The following FBXO27 variants were observed in gnomAD, a reference collection of about 807,000 sequenced individuals.
FBXO27 encodes the protein F-box only protein 27.
FBXO27 carries 28 observed loss-of-function variants against 28.3 expected under a neutral mutation model. That is an observed-to-expected ratio of 0.99 (90% CI 0.73 to 1.36). The LOEUF is 1.36. FBXO27 is among the 40% of genes most tolerant of loss of function. The pLI is 0.00. For synonymous variants in FBXO27, 175 were observed against 167.3 expected, an observed-to-expected ratio of 1.05 and a Z score of -0.36; for missense variants, 388 against 394.1, an observed-to-expected ratio of 0.98 and a Z score of 0.13.
At position 39,032,327 on chromosome 19, in the gene FBXO27, C is replaced by G. The variant is rs542142384; in HGVS notation, c.-26-74G>C. 1 of 1,355,886 alleles carries G rather than the reference C, an allele frequency of 7.4e-7. No homozygotes were observed. The highest frequency in any genetic ancestry group is 3.1e-5 in the East Asian group (1 of 32,180). 84.0% of individuals were successfully genotyped at this position (1,355,886 alleles called of 1,614,324 possible). On this transcript the variant is annotated intron_variant, in intron 1 of 5. Transcript: ENST00000292853. The surrounding 1 kb of genome is among the most constrained non-coding windows in gnomAD (Gnocchi z 4.7). ...CGCGCAGCCTCTGCCTGCCCTGATT[C>G]TGCCAGCCGCACCCCCGTCTTCACC...
At chr19:39,017,662 CAA>C (rs58873231) in intron 1 of FBXO27, among the ~76,000 whole-genome samples, 1 of 141,262 alleles carries the variant, frequency 7.1e-6, no homozygotes, top group Non-Finnish European at 1.5e-5. Context: ...GAGACTGTCT[CAA>C]AAAAAAAAAA....
At chr19:39,025,702 T>A (rs1464225543) in intron 5 of FBXO27, 148 bp from the exon 6 acceptor site, 1 of 1,111,546 alleles carries the variant, frequency 9.0e-7, no homozygotes, top group Non-Finnish European at 1.2e-6. Context: ...TTATAGAATC[T>A]TCCACTCCCT....
rs762351705 is a variant in FBXO27 at position 39,031,898 on chromosome 19, G to C, written c.330C>G (p.Ile110Met). ...AGGGGTTGCGAATAAGGTTGCGTCC[G>C]ATGGGTCTGCGCGCGCAGAAGCGGC... ...PLGRFCARRP[I>M]GRNLIRNPCG... The change falls in exon 2 of 6, where the codon ATC becomes ATG. Residue 110 changes from isoleucine (I) to methionine (M), a missense_variant. Transcript: ENST00000292853. 2 of 1,500,422 alleles carry C rather than the reference G, an allele frequency of 1.3e-6. No individual in the cohort carries two copies. Among genetic ancestry groups the C allele is most frequent in the African/African-American group, 1.5e-5 (1 of 68,710 alleles). The allele number at this position is 1,500,422 out of a possible 1,614,324, so 92.9% of individuals were successfully genotyped here.
intron 4 of FBXO27, among the ~76,000 whole-genome samples, chr19:39,029,330 G>C (rs538794323): frequency 6.6e-6 from 1 of 151,352 alleles, no homozygotes; most frequent in South Asian, 2.1e-4. Context: ...GGGAGGCTGA[G>C]GCAGGAGAAT....
downstream of FBXO27, among the ~76,000 whole-genome samples, chr19:39,021,344 C>T (rs2072844374): frequency 6.6e-6 from 1 of 152,048 alleles, no homozygotes; most frequent in Admixed American, 6.6e-5. Flanking sequence ...CCTCCCTCTC[C>T]ACCTCCATCA....
At position 39,027,072 on chromosome 19, in the gene FBXO27, G is replaced by A. The variant is rs550253037; in HGVS notation, c.573-67C>T. ...ATCTCTTTGGGTGTCTGCCTACCTT[G>A]TCCGAATGCCCTTCCCATGTGTGCA... On this transcript the variant is annotated intron_variant, in intron 4 of 5. Transcript: ENST00000292853. The A allele has an allele frequency of 1.6e-5, 26 of 1,591,718 alleles. No individual in the cohort carries two copies. In the East Asian group the frequency reaches 4.2e-4, roughly 26 times the overall value.
chr19:39,023,148 A>C (rs1045670143), downstream of FBXO27, among the ~76,000 whole-genome samples: 1 of 152,078 alleles, frequency 6.6e-6, no homozygotes, highest in East Asian at 1.9e-4. Context: ...CATGTTGGCT[A>C]GCCTGGTCTC....
intron 1 of FBXO27, among the ~76,000 whole-genome samples, chr19:39,017,129 T>G (rs1221829278): frequency 6.6e-6 from 1 of 152,108 alleles, no homozygotes; most frequent in African/African-American, 2.4e-5. Context: ...AAAAGTTTAT[T>G]TCCATCCAGA....
downstream of FBXO27, among the ~76,000 whole-genome samples, chr19:39,019,156 A>G (rs11666514): frequency 0.8 from 119,212 of 149,328 alleles, 47,813 homozygotes; most frequent in South Asian, 0.88. Flanking sequence ...CGAGCACGGT[A>G]GCTCACGCCT....
rs761406835 is a variant in FBXO27, at chr19:39,031,268, C to T, written c.417G>A (p.Glu139=). Residue 139 remains glutamate, a synonymous_variant, in exon 3 of 6, where the codon GAG becomes GAA. Coordinates refer to ENST00000292853, the MANE Select transcript of FBXO27 (RefSeq NM_178820.5). ...CCCCAGGCACGGTTGTCCTGTTTTC[C>T]TCCACCACCCAGCCGTCCCCACCGT... ...VQHGGDGWVV[E]ENRTTVPGAP... is the part of the protein sequence containing the mutation. 1.5e-5 allele frequency: 24 copies of T among 1,613,988 alleles called. No homozygotes were observed. The highest frequency in any genetic ancestry group is 3.3e-4 in the Middle Eastern group (2 of 6,080).
rs995812609 is a variant in FBXO27 at position 39,032,376 on chromosome 19, C to T, written c.-26-123G>A. 6.0e-6 allele frequency: 7 copies of T among 1,159,060 alleles called. No homozygotes were observed. In the East Asian group the frequency reaches 1.3e-4, roughly 21 times the overall value. 71.8% of individuals were successfully genotyped at this position (1,159,060 alleles called of 1,614,324 possible). On this transcript the variant is annotated intron_variant, in intron 1 of 5. Coordinates refer to ENST00000292853, the MANE Select transcript of FBXO27 (RefSeq NM_178820.5). The surrounding 1 kb of genome is among the most constrained non-coding windows in gnomAD (Gnocchi z 4.7). ...CCATCCCTGGGCCCCGTCCCCAAGTCCCCATCCCCCAGCCCGTCCTTGATA... is the reference window on the plus strand; with the variant it reads ...CCATCCCTGGGCCCCGTCCCCAAGTTCCCATCCCCCAGCCCGTCCTTGATA...
intron 2 of FBXO27, among the ~76,000 whole-genome samples, chr19:39,013,442 C>T (rs1466433476): frequency 6.6e-6 from 1 of 151,656 alleles, no homozygotes; most frequent in Non-Finnish European, 1.5e-5. Context: ...CCAGCCTGGC[C>T]AACATGGTGA....
At chr19:39,019,068 C>CAA (rs71167615), downstream of FBXO27, among the ~76,000 whole-genome samples, 2 of 124,432 alleles carry the variant, frequency 1.6e-5, no homozygotes, top group African/African-American at 3.1e-5. Context: ...GACTCTATCA[C>CAA]AAAAAAAAAA....
At chr19:39,017,510 A>G (rs1267395452) in intron 1 of FBXO27, among the ~76,000 whole-genome samples, 1 of 152,070 alleles carries the variant, frequency 6.6e-6, no homozygotes, top group Non-Finnish European at 1.5e-5. Context: ...CACAGCCAAC[A>G]TAGTGAAACC....
chr19:39,012,460 A>G (rs893998639), intron 2 of FBXO27, among the ~76,000 whole-genome samples: 9 of 152,112 alleles, frequency 5.9e-5, no homozygotes, highest in African/African-American at 1.9e-4. Context: ...TTGGGATTAC[A>G]GGCGTGAGCC....
At chr19:39,021,982 A>G (rs1242809803), downstream of FBXO27, among the ~76,000 whole-genome samples, 1 of 151,732 alleles carries the variant, frequency 6.6e-6, no homozygotes, top group Non-Finnish European at 1.5e-5. Context: ...TTTAACAGCA[A>G]GGAAGGTCAG....
At chr19:39,028,070 G>A (rs61586597) in intron 4 of FBXO27, among the ~76,000 whole-genome samples, 1,623 of 151,830 alleles carry the variant, frequency 0.011, 32 homozygotes, top group African/African-American at 0.037. Context: ...GTGAAACCTT[G>A]TCTCTACTAA....
At chr19:39,020,705 A>G (rs1043682650), downstream of FBXO27, among the ~76,000 whole-genome samples, 4 of 150,226 alleles carry the variant, frequency 2.7e-5, no homozygotes, top group Non-Finnish European at 5.9e-5. Context: ...ACCTCACAGG[A>G]TTTATAACAG....
chr19:39,018,712 TCA>T (rs2072830726), intron 1 of FBXO27, among the ~76,000 whole-genome samples: 1 of 152,112 alleles, frequency 6.6e-6, no homozygotes, highest in Non-Finnish European at 1.5e-5. Flanking sequence ...CCCGAAGTGG[TCA>T]CAGTTATGCC....
Sources: allele counts gnomAD v4.1 joint callset (sites outside exome capture counted in the v4.1 genomes callset), GRCh38; gene constraint gnomAD v4.1.1; non-coding constraint Gnocchi (gnomAD v3.1); transcripts MANE v1.5; gene names NCBI Gene and HGNC (gene_info 2026-07-23, HGNC 2026-07-21).